GNAZ: variants seen among roughly 807,000 people sequenced by gnomAD.
GNAZ encodes the protein G protein subunit alpha z.
GNAZ carries 3 observed loss-of-function variants against 25.4 expected under a neutral mutation model. The observed-to-expected ratio is 0.12, with a 90% confidence interval of 0.05 to 0.30. GNAZ has a LOEUF of 0.30. GNAZ is among the 10% of genes least tolerant of loss of function. GNAZ has a pLI of 1.00. For synonymous variants in GNAZ, 211 were observed against 205.7 expected (o/e 1.03, Z -0.22); for missense variants, 241 against 501.8 (o/e 0.48, Z 4.97).
rs187349474 is a variant in GNAZ at position 23,078,259 on chromosome 22, G to A, written c.-450+7689G>A. On this transcript the variant is annotated intron_variant, in intron 1 of 2. Coordinates refer to ENST00000615612, the MANE Select transcript of GNAZ (RefSeq NM_002073.4). ...AGTGTTGCCTCCATTATCCAATTTC[G>A]GATTAATCAAACTCTCTTTGTCCTC... Among the ~76,000 whole-genome samples, 77 of 152,308 alleles carry A rather than the reference G, an allele frequency of 5.1e-4. 1 individual carries two copies. The East Asian group carries it at 0.01, about 21-fold the overall frequency.
At chr22:23,101,926 T>G (rs146054734) in intron 2 of GNAZ, among the ~76,000 whole-genome samples, 10 of 152,326 alleles carry the variant, frequency 6.6e-5, no homozygotes, top group African/African-American at 2.2e-4. Context: ...GGCCACATGA[T>G]ATCCCCAGCC....
chr22:23,078,731 G>A (rs1444512756), intron 1 of GNAZ, among the ~76,000 whole-genome samples: 2 of 152,228 alleles, frequency 1.3e-5, no homozygotes, highest in African/African-American at 2.4e-5. Context: ...CAAGGGTGAG[G>A]GCCAGGGCTT....
chr22:23,100,123 C>G (rs948530227), intron 2 of GNAZ, among the ~76,000 whole-genome samples: 1 of 152,236 alleles, frequency 6.6e-6, no homozygotes, highest in African/African-American at 2.4e-5. Flanking sequence ...TGTGCAGGCT[C>G]AAGGCTCAGG....
At chr22:23,109,205 G>C (rs2069572346) in intron 2 of GNAZ, among the ~76,000 whole-genome samples, 1 of 152,150 alleles carries the variant, frequency 6.6e-6, no homozygotes, top group South Asian at 2.1e-4. Context: ...CCGAGCCTCT[G>C]GGGTAAGGTA....
chr22:23,113,379 A>G (rs10427854), intron 2 of GNAZ, among the ~76,000 whole-genome samples: 1 of 152,064 alleles, frequency 6.6e-6, no homozygotes, highest in Non-Finnish European at 1.5e-5. Flanking sequence ...ACTGGCTCCC[A>G]GCTGCTGCCA....
chr22:23,093,707 C>G (rs2069049729), intron 1 of GNAZ, among the ~76,000 whole-genome samples: 1 of 152,160 alleles, frequency 6.6e-6, no homozygotes. Context: ...GGCCACACAA[C>G]CTGGGAGAGG....
intron 1 of GNAZ, among the ~76,000 whole-genome samples, chr22:23,075,307 G>C (rs1485812310): frequency 1.3e-5 from 2 of 152,184 alleles, no homozygotes; most frequent in African/African-American, 2.4e-5. Flanking sequence ...CATGGCCCAG[G>C]GAACCCAAAG....
chr22:23,114,657 C>T lies in GNAZ; in HGVS notation c.724-8430C>T, dbSNP rs2069767957. On this transcript the variant is annotated intron_variant, in intron 2 of 2. Coordinates refer to ENST00000615612, the MANE Select transcript of GNAZ (RefSeq NM_002073.4). ...CTGTCCATGTGTATCCCACATCAGC[C>T]CTCAGCCCCCTCACGAGGGAAGTAT... Among the ~76,000 whole-genome samples, 3 of 152,222 alleles carry T rather than the reference C, an allele frequency of 2.0e-5. No individual in the cohort carries two copies. The South Asian group carries it at 6.2e-4, about 31-fold the overall frequency.
Position 23,095,578 on chromosome 22 carries a change from G to T in GNAZ, c.-118G>T. The stretch of plus-strand genomic sequence containing the variant: ...TGTGGCTCGGCCTCACCCCCCTGCT[G>T]GCACTGAGTGCCTCCAGGGCAGCTG... On this transcript the variant is annotated 5_prime_UTR_variant, in exon 2 of 3. Transcript: ENST00000615612. The T allele has an allele frequency of 8.7e-7, 1 of 1,144,144 alleles. No individual in the cohort carries two copies. The highest frequency in any genetic ancestry group is 1.2e-6 in the Non-Finnish European group (1 of 820,670). The allele number at this position is 1,144,144 out of a possible 1,614,324, so 70.9% of individuals were successfully genotyped here.
chr22:23,090,047 C>T (rs6003502), intron 1 of GNAZ, among the ~76,000 whole-genome samples: 52,304 of 151,964 alleles, frequency 0.34, 9,836 homozygotes, highest in African/African-American at 0.51. Context: ...ACACCCTTCA[C>T]GCTGCAAACA....
chr22:23,080,311 G>T (rs1262948377), intron 1 of GNAZ, among the ~76,000 whole-genome samples: 1 of 152,218 alleles, frequency 6.6e-6, no homozygotes, highest in Admixed American at 6.5e-5. Flanking sequence ...GTGGCTGAGG[G>T]TGTCCAGAGC....
At chr22:23,096,822 G>A (rs1172986335) in intron 2 of GNAZ, among the ~76,000 whole-genome samples, 1 of 152,252 alleles carries the variant, frequency 6.6e-6, no homozygotes, top group African/African-American at 2.4e-5. Context: ...ATGGGGTTAA[G>A]AGCTGTTTAG....
At chr22:23,089,650 G>A (rs758265360) in intron 1 of GNAZ, among the ~76,000 whole-genome samples, 12 of 152,172 alleles carry the variant, frequency 7.9e-5, no homozygotes, top group Non-Finnish European at 1.8e-4. Context: ...CTGGAAGGAG[G>A]GTGATGAGGG....
At chr22:23,113,805 A>G (rs989970096) in intron 2 of GNAZ, among the ~76,000 whole-genome samples, 8 of 152,248 alleles carry the variant, frequency 5.3e-5, no homozygotes, top group Admixed American at 5.2e-4. Context: ...GGCAGGTTGC[A>G]GAGGCTCCTG....
chr22:23,122,672 G>T (rs1473039210), intron 2 of GNAZ: 1 of 198,694 alleles, frequency 5.0e-6, no homozygotes, highest in South Asian at 1.2e-4. Context: ...TGTGACGGGG[G>T]CTCCTGCAGA....
At chr22:23,115,147 G>T (rs765675417) in intron 2 of GNAZ, among the ~76,000 whole-genome samples, 9 of 152,196 alleles carry the variant, frequency 5.9e-5, no homozygotes, top group Non-Finnish European at 8.8e-5. Context: ...TGGAGAGTGA[G>T]TGGACAGGGA....
chr22:23,079,080 G>T (rs1330136111), intron 1 of GNAZ, among the ~76,000 whole-genome samples: 1 of 152,220 alleles, frequency 6.6e-6, no homozygotes, highest in Admixed American at 6.5e-5. Flanking sequence ...CTAGGTCCAT[G>T]TGGGCACATG....
chr22:23,119,703 G>C (rs926053510), intron 2 of GNAZ, among the ~76,000 whole-genome samples: 2 of 152,216 alleles, frequency 1.3e-5, no homozygotes, highest in African/African-American at 4.8e-5. Context: ...GATGGAGTGA[G>C]GCGGCAAGCT....
intron 1 of GNAZ, among the ~76,000 whole-genome samples, chr22:23,073,854 A>G (rs996070366): frequency 7.3e-5 from 11 of 151,718 alleles, no homozygotes; most frequent in Non-Finnish European, 1.5e-4. Context: ...CCAGACGGGC[A>G]GGGGTTGACA....
Sources: allele counts gnomAD v4.1 joint callset (sites outside exome capture counted in the v4.1 genomes callset), GRCh38; gene constraint gnomAD v4.1.1; transcripts MANE v1.5; gene names NCBI Gene and HGNC (gene_info 2026-07-23, HGNC 2026-07-21).